The following CNOT1 variants were observed in gnomAD, a reference collection of about 807,000 sequenced individuals.
CNOT1 encodes CCR4-associated factor 1.
In CNOT1, 15 loss-of-function variants were observed where a neutral mutation model predicts 273.8. The observed-to-expected ratio is 0.05, with a 90% CI of 0.04 to 0.08. The LOEUF (loss-of-function observed/expected upper bound fraction) is 0.08, where lower values mean the gene tolerates loss of function less well. Among genes scored for constraint, CNOT1 ranks in the 10% least tolerant of loss-of-function variants. The pLI is 1.00. For synonymous variants in CNOT1, 1,022 were observed against 1,005.5 expected (o/e 1.02, Z -0.31); for missense variants, 1,644 against 2,912.2 (o/e 0.56, Z 10.02).
chr16:58,602,435 C>T lies in CNOT1; in HGVS notation c.-174-2924G>A, dbSNP rs368005417. 4.0e-5 allele frequency among the ~76,000 whole-genome samples: 6 copies of T among 151,722 alleles called. No individual in the cohort carries two copies. The East Asian group carries it at 1.2e-3, about 30-fold the overall frequency. On this transcript the variant is annotated intron_variant, in intron 1 of 48. Coordinates refer to ENST00000317147, the MANE Select transcript of CNOT1 (RefSeq NM_016284.5). Reference sequence around the variant, plus strand: ...GGGTGTGGTGGTGCACACCTATAATCCCAGCTACTTGGGAGGTCGAGACAG... The same window carrying T: ...GGGTGTGGTGGTGCACACCTATAATTCCAGCTACTTGGGAGGTCGAGACAG...
rs1487778388 is a variant in CNOT1 at position 58,547,797 on chromosome 16, C to G, written c.3523-115G>C. 1.0e-6 allele frequency: 1 copy of G among 1,000,018 alleles called. No individual in the cohort carries two copies. The highest frequency in any genetic ancestry group is 1.6e-5 in the African/African-American group (1 of 61,218). 61.9% of individuals were successfully genotyped at this position (1,000,018 alleles called of 1,614,324 possible). ...AAAGACAAGTCATCATTTCTAAGAA[C>G]AGGCCCCAAAGTAGAATTACTCTGT... is the stretch of plus-strand genomic sequence containing the variant. On this transcript the variant is annotated intron_variant, in intron 25 of 48. Coordinates refer to ENST00000317147, the MANE Select transcript of CNOT1 (RefSeq NM_016284.5). This position sits in a 1 kb window ranked among gnomAD's most constrained non-coding sequence, Gnocchi z 4.0.
At position 58,578,860 on chromosome 16, in the gene CNOT1, A is replaced by G; in HGVS notation, c.1423T>C (p.Phe475Leu). The stretch of plus-strand genomic sequence containing the variant: ...ATGTCTGGACAGTGTTTGATAGGGA[A>G]GCTGAAGAGCTGTTTGACTTGCTCA... ...QYEQVKQLFS[F>L]PIKHCPDMLV... Residue 475 changes from phenylalanine to leucine, a missense_variant, in exon 13 of 49, where the codon TTC becomes CTC. Transcript: ENST00000317147. 1 of 1,614,206 alleles carries G rather than the reference A, an allele frequency of 6.2e-7. No homozygotes were observed. Among genetic ancestry groups the G allele is most frequent in the Non-Finnish European group, 8.5e-7 (1 of 1,180,030 alleles).
intron 35 of CNOT1, 128 bp downstream of exon 35, chr16:58,539,640 C>T (rs2040027151): frequency 3.2e-6 from 3 of 947,660 alleles, no homozygotes; most frequent in Non-Finnish European, 2.9e-6. Flanking sequence ...AAAAAAATCA[C>T]CTACTTACAG....
intron 1 of CNOT1, among the ~76,000 whole-genome samples, chr16:58,622,270 C>T (rs1037542650): frequency 2.2e-5 from 3 of 138,294 alleles, no homozygotes; most frequent in Non-Finnish European, 4.5e-5. Context: ...GCCGAGATGG[C>T]GCCACTGCAC....
intron 19 of CNOT1, among the ~76,000 whole-genome samples, chr16:58,556,620 T>C (rs919529821): frequency 6.6e-6 from 1 of 152,260 alleles, no homozygotes; most frequent in Non-Finnish European, 1.5e-5. Flanking sequence ...TTATCATACC[T>C]ACTTCTTACT....
intron 47 of CNOT1, among the ~76,000 whole-genome samples, chr16:58,522,295 T>C (rs547975029): frequency 1.4e-5 from 2 of 147,330 alleles, no homozygotes; most frequent in Non-Finnish European, 3.0e-5. Context: ...ACATGTAAAT[T>C]GGTAAAATTT....
chr16:58,549,316 G>A (rs1486995074), intron 25 of CNOT1, among the ~76,000 whole-genome samples: 1 of 148,662 alleles, frequency 6.7e-6, no homozygotes, highest in Admixed American at 6.7e-5. Context: ...AAAAAAGGGG[G>A]CTACAGCAAA....
At chr16:58,557,060 G>T in intron 18 of CNOT1, 67 bp from the exon 19 acceptor site, 1 of 1,555,270 alleles carries the variant, frequency 6.4e-7, no homozygotes, top group Non-Finnish European at 8.7e-7. Flanking sequence ...TCACATCTCA[G>T]ATATATTAAT....
intron 47 of CNOT1, 52 bp downstream of exon 47, chr16:58,523,318 T>G: frequency 6.7e-7 from 1 of 1,483,056 alleles, no homozygotes; most frequent in Non-Finnish European, 9.0e-7. Flanking sequence ...AAAAAAAAGA[T>G]GAAAGGGAGG....
chr16:58,543,239 C>CAACA, intron 31 of CNOT1: 1 of 1,539,300 alleles, frequency 6.5e-7, no homozygotes, highest in East Asian at 2.5e-5. Flanking sequence ...TGTGCACATG[C>CAACA]AACATCACTT....
At chr16:58,538,963 C>A (rs1223840939) in intron 35 of CNOT1, 49 bp from the exon 36 acceptor site, 1 of 1,591,138 alleles carries the variant, frequency 6.3e-7, no homozygotes, top group Admixed American at 1.7e-5. Context: ...CAGTGCTTGG[C>A]CCAACTATCA....
At chr16:58,600,640 C>A (rs1332915659) in intron 1 of CNOT1, among the ~76,000 whole-genome samples, 1 of 152,088 alleles carries the variant, frequency 6.6e-6, no homozygotes, top group Non-Finnish European at 1.5e-5. Flanking sequence ...AATGGCTGTA[C>A]AGGTAAGGAA....
rs764078702 is a variant in CNOT1 at position 58,547,259 on chromosome 16, A to G, written c.3677T>C (p.Val1226Ala). ...ATAGAGCAATTCTTGTTGTCCTTTA[A>G]CATAAGCCTCTAGCAGCAATGATTT... ...DVKSLLLEAY[V>A]KGQQELLYVV... The change falls in exon 27 of 49, where the codon GTT (valine) becomes GCT (alanine). Residue 1226 changes from valine to alanine, a missense_variant. By Grantham distance (64) the Val-to-Ala change is moderately conservative (BLOSUM62 0). This residue lies in a region of CNOT1 where 124 missense variants were observed against 289.3 expected (regional missense o/e 0.43). Coordinates refer to ENST00000317147, the MANE Select transcript of CNOT1 (RefSeq NM_016284.5). The surrounding 1 kb of genome is among the most constrained non-coding windows in gnomAD (Gnocchi z 4.0). The G allele has an allele frequency of 6.2e-7, 1 of 1,613,830 alleles. No individual in the cohort carries two copies. The highest frequency in any genetic ancestry group is 1.3e-5 in the African/African-American group (1 of 74,914).
intron 30 of CNOT1, 151 bp downstream of exon 30, chr16:58,545,210 C>A: frequency 7.8e-7 from 1 of 1,285,884 alleles, no homozygotes; most frequent in Non-Finnish European, 1.0e-6. Context: ...CCCAACTGAA[C>A]TACACAGCAG....
At chr16:58,573,143 T>G (rs932635912) in intron 16 of CNOT1, among the ~76,000 whole-genome samples, 7 of 151,048 alleles carry the variant, frequency 4.6e-5, no homozygotes, top group African/African-American at 1.7e-4. Flanking sequence ...CCATCTCAAC[T>G]AAAAATACAA....
Position 58,542,497 on chromosome 16 carries a change from C to T in CNOT1, c.4506G>A (p.Leu1502=), listed in dbSNP as rs2040120739. ...CAGTCTTCTGAATAAAACAGCAAGCCAACTCACAATTGTCCTGAGCTAATT... is the reference window on the plus strand; with the variant it reads ...CAGTCTTCTGAATAAAACAGCAAGCTAACTCACAATTGTCCTGAGCTAATT... ...AAQLAQDNCE[L]ACCFIQKTAV... The change falls in exon 32 of 49, where the codon TTG becomes TTA. Residue 1502 remains leucine, a synonymous_variant. Transcript: ENST00000317147. 3.2e-6 allele frequency: 5 copies of T among 1,583,822 alleles called. No individual in the cohort carries two copies. The highest frequency in any genetic ancestry group is 4.3e-6 in the Non-Finnish European group (5 of 1,162,958).
At chr16:58,521,409 T>C in intron 47 of CNOT1, 92 bp from the exon 48 acceptor site, 1 of 1,324,886 alleles carries the variant, frequency 7.5e-7, no homozygotes, top group Non-Finnish European at 1.0e-6. Context: ...TCTCCCTGAC[T>C]ATTGAACCAC....
chr16:58,555,979 C>T, intron 19 of CNOT1, 71 bp from the exon 20 acceptor site: 1 of 1,584,540 alleles, frequency 6.3e-7, no homozygotes, highest in Non-Finnish European at 8.5e-7. Context: ...ACACAGCCAG[C>T]CAGAGACTAT....
At chr16:58,524,894 TA>T (rs1442334393) in intron 46 of CNOT1, among the ~76,000 whole-genome samples, 1 of 152,228 alleles carries the variant, frequency 6.6e-6, no homozygotes, top group Non-Finnish European at 1.5e-5. Context: ...AGGCTATGTT[TA>T]AAGGGACTTT....
Sources: allele counts gnomAD v4.1 joint callset (sites outside exome capture counted in the v4.1 genomes callset), GRCh38; gene constraint gnomAD v4.1.1; regional missense constraint gnomAD v4.1.1; non-coding constraint Gnocchi (gnomAD v3.1); transcripts MANE v1.5; gene names NCBI Gene and HGNC (gene_info 2026-07-23, HGNC 2026-07-21).